Variants in SORCS2 observed in about 807,000 individuals in gnomAD.
The protein encoded by SORCS2 is VPS10 domain-containing receptor SorCS2.
Under a neutral mutation model 141.6 loss-of-function variants are expected in SORCS2, and 100 were observed. The observed-to-expected ratio is 0.71, with a 90% confidence interval of 0.60 to 0.83. The LOEUF is 0.83. SORCS2 is among the 40% of genes least tolerant of loss of function. The pLI is 0.00. For synonymous variants in SORCS2, 789 were observed against 676.9 expected, an observed-to-expected ratio of 1.17 and a Z score of -2.57; for missense variants, 1,646 against 1,560.2, an observed-to-expected ratio of 1.05 and a Z score of -0.93.
At chr4:7,404,548 C>T (rs1205344230) in intron 2 of SORCS2, among the ~76,000 whole-genome samples, 2 of 152,126 alleles carry the variant, frequency 1.3e-5, no homozygotes, top group African/African-American at 4.8e-5. Flanking sequence ...ACCCTTCTGA[C>T]TGGTGTAAGA....
intron 17 of SORCS2, among the ~76,000 whole-genome samples, chr4:7,715,523 C>T (rs1726135738): frequency 6.6e-6 from 1 of 152,218 alleles, no homozygotes; most frequent in Non-Finnish European, 1.5e-5. Context: ...AGTGAATGAC[C>T]TTAGCTCCCA....
At chr4:7,395,157 C>T (rs556871462) in intron 1 of SORCS2, among the ~76,000 whole-genome samples, 1 of 152,350 alleles carries the variant, frequency 6.6e-6, no homozygotes, top group East Asian at 1.9e-4. Context: ...ACTGTCCCAT[C>T]TCGGGCAACA....
intron 2 of SORCS2, among the ~76,000 whole-genome samples, chr4:7,521,641 C>T (rs189232742): frequency 6.0e-4 from 92 of 152,284 alleles, no homozygotes; most frequent in African/African-American, 2.1e-3. Context: ...GGAACGTGAC[C>T]GAAGCTCAGA....
chr4:7,735,119 C>A (rs949228418), intron 25 of SORCS2, among the ~76,000 whole-genome samples: 1 of 152,236 alleles, frequency 6.6e-6, no homozygotes, highest in African/African-American at 2.4e-5. Flanking sequence ...CCGGCCCCGG[C>A]AGCATCACCA....
intron 1 of SORCS2, among the ~76,000 whole-genome samples, chr4:7,325,516 G>A (rs1719195537): frequency 6.6e-6 from 1 of 152,194 alleles, no homozygotes; most frequent in Non-Finnish European, 1.5e-5. Context: ...ACAGCTGCAG[G>A]GCACTCGGGG....
At chr4:7,390,306 G>A (rs1444211114) in intron 1 of SORCS2, among the ~76,000 whole-genome samples, 3 of 152,168 alleles carry the variant, frequency 2.0e-5, no homozygotes, top group African/African-American at 7.2e-5. Flanking sequence ...TTGAGCCTCC[G>A]AAAGGCAGCC....
At chr4:7,463,814 C>G (rs1481068976) in intron 2 of SORCS2, among the ~76,000 whole-genome samples, 1 of 152,176 alleles carries the variant, frequency 6.6e-6, no homozygotes, top group Non-Finnish European at 1.5e-5. Flanking sequence ...CGCCTACATA[C>G]TGATGCGTGC....
At chr4:7,424,910 G>A (rs865824257) in intron 2 of SORCS2, among the ~76,000 whole-genome samples, 1 of 152,248 alleles carries the variant, frequency 6.6e-6, no homozygotes, top group South Asian at 2.1e-4. Flanking sequence ...CTCCCGAGGG[G>A]CAGGCACTCT....
chr4:7,202,194 A>G (rs969258923), intron 1 of SORCS2, among the ~76,000 whole-genome samples: 2 of 152,184 alleles, frequency 1.3e-5, no homozygotes, highest in African/African-American at 4.8e-5. Context: ...GCTGATTGAT[A>G]TGCAGCCCGC....
At chr4:7,306,373 T>C (rs906836788) in intron 1 of SORCS2, among the ~76,000 whole-genome samples, 9 of 151,734 alleles carry the variant, frequency 5.9e-5, no homozygotes, top group African/African-American at 2.2e-4. Flanking sequence ...GGGGTGGGTG[T>C]GTAGCAGGAT....
chr4:7,285,034 ATAT>A (rs1197160703), intron 1 of SORCS2, among the ~76,000 whole-genome samples: 3 of 80,004 alleles, frequency 3.7e-5, no homozygotes, highest in African/African-American at 1.2e-4. Context: ...ATATATATAT[ATAT>A]TTTTTTTTTT....
chr4:7,393,889 G>A (rs557172727), intron 1 of SORCS2, among the ~76,000 whole-genome samples: 1 of 152,302 alleles, frequency 6.6e-6, no homozygotes, highest in East Asian at 1.9e-4. Context: ...GCCAAGCGTG[G>A]AACCCGGGTG....
At chr4:7,444,597 T>C (rs943087752) in intron 2 of SORCS2, among the ~76,000 whole-genome samples, 1 of 152,116 alleles carries the variant, frequency 6.6e-6, no homozygotes, top group East Asian at 1.9e-4. Context: ...AGAGGGATCA[T>C]GTAGGTGGAC....
chr4:7,650,973 G>A (rs1178022845), intron 4 of SORCS2, among the ~76,000 whole-genome samples: 4 of 152,098 alleles, frequency 2.6e-5, no homozygotes, highest in Non-Finnish European at 5.9e-5. Context: ...AGTGCGGACC[G>A]TATTGCACCA....
intron 2 of SORCS2, among the ~76,000 whole-genome samples, chr4:7,412,955 G>T (rs1272045111): frequency 6.6e-6 from 1 of 152,068 alleles, no homozygotes; most frequent in African/African-American, 2.4e-5. Flanking sequence ...GAAGCTCTGG[G>T]ACCACCATGA....
intron 3 of SORCS2, among the ~76,000 whole-genome samples, chr4:7,598,189 G>A (rs1424151592): frequency 6.6e-6 from 1 of 152,110 alleles, no homozygotes; most frequent in East Asian, 1.9e-4. Context: ...GGCTGGTCTT[G>A]AACTCCTGAC....
chr4:7,444,834 G>C (rs1433352442), intron 2 of SORCS2, among the ~76,000 whole-genome samples: 6 of 152,260 alleles, frequency 3.9e-5, no homozygotes, highest in Admixed American at 3.9e-4. Flanking sequence ...CTTGAAGTTA[G>C]AGCCAATAAA....
chr4:7,722,249 G>A (rs1316951517), intron 18 of SORCS2, among the ~76,000 whole-genome samples: 8 of 152,192 alleles, frequency 5.3e-5, no homozygotes, highest in South Asian at 2.1e-4. Flanking sequence ...ACTTCCCTCC[G>A]TGGAAGCAGC....
At chr4:7,402,620 C>T (rs901712231) in intron 2 of SORCS2, among the ~76,000 whole-genome samples, 4 of 152,182 alleles carry the variant, frequency 2.6e-5, no homozygotes, top group African/African-American at 4.8e-5. Context: ...CCTGTGAACA[C>T]GTCTCCAGTC....
Sources: allele counts gnomAD v4.1 joint callset (sites outside exome capture counted in the v4.1 genomes callset), GRCh38; gene constraint gnomAD v4.1.1; transcripts MANE v1.5; gene names NCBI Gene and HGNC (gene_info 2026-07-23, HGNC 2026-07-21).